Variants in CCDC3 observed in about 807,000 individuals in gnomAD.
The protein encoded by CCDC3 is coiled-coil domain containing 3.
In CCDC3, 24 loss-of-function variants were observed where a neutral mutation model predicts 21.4. That is an observed-to-expected ratio of 1.12 (90% confidence interval 0.81 to 1.58). The LOEUF (loss-of-function observed/expected upper bound fraction) is 1.58. CCDC3 is among the 40% of genes most tolerant of loss of function. The pLI, the probability that CCDC3 is intolerant of heterozygous loss-of-function variation, is 0.00. For missense variants in CCDC3, 425 were observed against 360.9 expected (o/e 1.18, Z -1.44); for synonymous variants, 186 against 166.0 (o/e 1.12, Z -0.93).
At chr10:12,966,416 G>A (rs1835263781) in intron 2 of CCDC3, among the ~76,000 whole-genome samples, 1 of 151,982 alleles carries the variant, frequency 6.6e-6, no homozygotes, top group South Asian at 2.1e-4. Context: ...TTACAAGCAT[G>A]CTCCTGGCTT....
chr10:13,023,544 C>A (rs903291447), intron 5 of CCDC3, among the ~76,000 whole-genome samples: 8 of 152,160 alleles, frequency 5.3e-5, no homozygotes, highest in African/African-American at 1.9e-4. Flanking sequence ...AGTCTCCAGT[C>A]ACACCACTCT....
At chr10:12,921,522 C>G (rs944055514) in intron 2 of CCDC3, among the ~76,000 whole-genome samples, 1 of 152,130 alleles carries the variant, frequency 6.6e-6, no homozygotes, top group Non-Finnish European at 1.5e-5. Context: ...CAGGCCTTAT[C>G]TTTTTCAACT....
intron 2 of CCDC3, among the ~76,000 whole-genome samples, chr10:12,939,762 A>C (rs1834792082): frequency 1.3e-5 from 2 of 152,304 alleles, no homozygotes; most frequent in African/African-American, 4.8e-5. Context: ...AAATAGTAGT[A>C]ATTACCCAAA....
chr10:13,022,406 C>T (rs1446857704), intron 5 of CCDC3, among the ~76,000 whole-genome samples: 2 of 152,196 alleles, frequency 1.3e-5, no homozygotes, highest in African/African-American at 4.8e-5. Flanking sequence ...GCAGGAAGTC[C>T]ATCTTAGATC....
At chr10:12,940,926 A>C (rs1466022668) in intron 2 of CCDC3, among the ~76,000 whole-genome samples, 3 of 151,234 alleles carry the variant, frequency 2.0e-5, no homozygotes, top group Non-Finnish European at 4.4e-5. Flanking sequence ...CCTGAGTAGG[A>C]ATTGCTGATC....
intron 3 of CCDC3, among the ~76,000 whole-genome samples, chr10:13,095,142 CA>C (rs1212198206): frequency 1.8e-5 from 1 of 56,422 alleles, no homozygotes; most frequent in Non-Finnish European, 6.2e-5. Flanking sequence ...TCTCTGTTTT[CA>C]GTTTCTTTGG....
intron 5 of CCDC3, among the ~76,000 whole-genome samples, chr10:13,036,876 C>T (rs1836384049): frequency 1.3e-5 from 2 of 151,184 alleles, no homozygotes; most frequent in Non-Finnish European, 1.5e-5. Flanking sequence ...ACTTCCCAGG[C>T]TCAAGCAATC....
chr10:12,919,987 C>A (rs148978816), intron 2 of CCDC3, among the ~76,000 whole-genome samples: 2 of 151,918 alleles, frequency 1.3e-5, no homozygotes, highest in African/African-American at 4.8e-5. Context: ...CTAGTGGGCC[C>A]GGAAGGGTTC....
At chr10:12,945,940 A>C (rs1042159884) in intron 2 of CCDC3, among the ~76,000 whole-genome samples, 2 of 152,212 alleles carry the variant, frequency 1.3e-5, no homozygotes, top group African/African-American at 4.8e-5. Flanking sequence ...TAAAACAAGT[A>C]GATTCTTCTG....
intron 2 of CCDC3, among the ~76,000 whole-genome samples, chr10:12,952,989 G>A (rs935242125): frequency 6.6e-6 from 1 of 152,154 alleles, no homozygotes; most frequent in Non-Finnish European, 1.5e-5. Context: ...TCAAAGGAAG[G>A]AAGGGAGGGA....
chr10:13,095,313 T>C (rs931018019), intron 3 of CCDC3, among the ~76,000 whole-genome samples: 1 of 152,132 alleles, frequency 6.6e-6, no homozygotes, highest in Non-Finnish European at 1.5e-5. Context: ...AGATGATTCA[T>C]GCAGCGACCA....
At chr10:13,044,610 C>T (rs961921928) in intron 5 of CCDC3, among the ~76,000 whole-genome samples, 2 of 152,184 alleles carry the variant, frequency 1.3e-5, no homozygotes, top group African/African-American at 4.8e-5. Flanking sequence ...GAGTCCTTTC[C>T]CCATTGCTTA....
intron 2 of CCDC3, among the ~76,000 whole-genome samples, chr10:12,929,582 C>T (rs139356554): frequency 8.4e-4 from 128 of 152,286 alleles, no homozygotes; most frequent in South Asian, 7.5e-3. Context: ...ACTCTGCCCC[C>T]CTCTGCCACA....
intron 2 of CCDC3, among the ~76,000 whole-genome samples, chr10:12,988,050 A>G (rs1835624760): frequency 6.6e-6 from 1 of 152,150 alleles, no homozygotes; most frequent in Non-Finnish European, 1.5e-5. Flanking sequence ...ACGCCGTTCA[A>G]TGGCTCCCCA....
intron 4 of CCDC3, among the ~76,000 whole-genome samples, chr10:13,053,033 A>C (rs1046894516): frequency 6.6e-6 from 1 of 151,264 alleles, no homozygotes; most frequent in African/African-American, 2.4e-5. Flanking sequence ...CTTGCCTTCC[A>C]ATGGATCTTC....
intron 2 of CCDC3, among the ~76,000 whole-genome samples, chr10:12,910,214 G>T (rs536718199): frequency 3.3e-5 from 5 of 152,330 alleles, no homozygotes; most frequent in African/African-American, 1.2e-4. Flanking sequence ...ACTCTCCTTG[G>T]ATTGGAAAGA....
intron 2 of CCDC3, among the ~76,000 whole-genome samples, chr10:12,977,300 A>C (rs1175242130): frequency 6.6e-6 from 1 of 151,982 alleles, no homozygotes; most frequent in African/African-American, 2.4e-5. Context: ...AAAGGAAAGG[A>C]AAGGGGAAAG....
chr10:13,001,857 G>C (rs1174167810), upstream of CCDC3, among the ~76,000 whole-genome samples: 2 of 151,814 alleles, frequency 1.3e-5, no homozygotes, highest in African/African-American at 4.8e-5. Context: ...GCTGGGGCGG[G>C]GACCAGGGAC....
At chr10:12,992,077 A>AG (rs1377879499) in intron 2 of CCDC3, among the ~76,000 whole-genome samples, 5 of 151,894 alleles carry the variant, frequency 3.3e-5, no homozygotes, top group South Asian at 2.1e-4. Flanking sequence ...TAAAAAAAAA[A>AG]AAAGAAAGAA....
Sources: gnomAD v4.1 joint callset for allele counts (sites outside exome capture counted in the v4.1 genomes callset) on GRCh38, gnomAD v4.1.1 for gene constraint, MANE v1.5 for transcripts, NCBI Gene and HGNC (gene_info 2026-07-23, HGNC 2026-07-21) for gene names.